Variants in OPCML observed in about 807,000 individuals in gnomAD.
The protein encoded by OPCML is opioid binding protein/cell adhesion molecule like.
A neutral mutation model predicts 37.8 loss-of-function variants in OPCML; 13 were observed. The observed-to-expected ratio is 0.34, with a 90% confidence interval of 0.22 to 0.55. The LOEUF is 0.55. OPCML is among the 20% of genes least tolerant of loss of function. The pLI is 0.91. For synonymous variants in OPCML, 176 were observed against 168.8 expected (o/e 1.04, Z -0.33); for missense variants, 341 against 435.6 (o/e 0.78, Z 1.93).
At chr11:132,558,535 G>A (rs917522720) in intron 3 of OPCML, among the ~76,000 whole-genome samples, 2 of 108,500 alleles carry the variant, frequency 1.8e-5, no homozygotes, top group African/African-American at 7.4e-5. Flanking sequence ...CTTCTTCTTC[G>A]TCTTCGTCTT....
chr11:133,125,248 A>G (rs1300615309), intron 1 of OPCML, among the ~76,000 whole-genome samples: 1 of 152,064 alleles, frequency 6.6e-6, no homozygotes, highest in Non-Finnish European at 1.5e-5. Context: ...CTAAGTGAAA[A>G]CATCCCTTCC....
chr11:132,690,207 TG>T (rs1467654452), intron 2 of OPCML, among the ~76,000 whole-genome samples: 1 of 152,156 alleles, frequency 6.6e-6, no homozygotes, highest in Non-Finnish European at 1.5e-5. Context: ...CACAAAGAGC[TG>T]GGGTTACAGG....
rs182117657 is a variant in OPCML at position 133,187,846 on chromosome 11, A to G, written c.62-244836T>C. ...TACAGTGTACAGATGGAACTGTCAC[A>G]TGTTTTTATATTTTTCCCAACTTAT... On this transcript the variant is annotated intron_variant, in intron 1 of 7. Transcript: ENST00000524381. Among the ~76,000 whole-genome samples, 214 of 152,284 alleles carry G rather than the reference A, an allele frequency of 1.4e-3. 2 individuals carry two copies. The Middle Eastern group carries it at 0.031, about 22-fold the overall frequency.
rs545196366 is a variant in OPCML, at chr11:132,436,601, T to C, written c.764+58A>G. The C allele has an allele frequency of 4.5e-5, 72 of 1,600,598 alleles. No individual in the cohort carries two copies. In the East Asian group the frequency reaches 1.1e-3, roughly 23 times the overall value. On this transcript the variant is annotated intron_variant, in intron 6 of 7. Transcript: ENST00000524381. ...TTTCTTCATCCTCATCCTTCTCCCA[T>C]GTGGGGATAGACCATCAGCTCTGCT...
At chr11:132,683,805 C>T (rs1943053219) in intron 2 of OPCML, among the ~76,000 whole-genome samples, 1 of 152,132 alleles carries the variant, frequency 6.6e-6, no homozygotes, top group South Asian at 2.1e-4. Flanking sequence ...TCAGAGGGAC[C>T]TTGGGCAAGG....
intron 3 of OPCML, among the ~76,000 whole-genome samples, chr11:132,652,146 G>C (rs1941458232): frequency 6.6e-6 from 1 of 152,068 alleles, no homozygotes; most frequent in South Asian, 2.1e-4. Context: ...ACTTACATAG[G>C]ATAAAGTGGT....
intron 4 of OPCML, among the ~76,000 whole-genome samples, chr11:132,468,441 G>C (rs552730204): frequency 6.6e-6 from 1 of 152,224 alleles, no homozygotes; most frequent in African/African-American, 2.4e-5. Context: ...GGATTGTAGA[G>C]GTTTGTGATC....
chr11:133,305,540 A>C (rs1942894413), intron 1 of OPCML, among the ~76,000 whole-genome samples: 1 of 152,196 alleles, frequency 6.6e-6, no homozygotes, highest in Non-Finnish European at 1.5e-5. Context: ...GCTTTAAGTG[A>C]TTGCCTATTA....
At chr11:133,518,324 TGTG>T in intron 1 of OPCML, among the ~76,000 whole-genome samples, 1 of 145,342 alleles carries the variant, frequency 6.9e-6, no homozygotes, top group Non-Finnish European at 1.5e-5. Context: ...CGTGTATAAG[TGTG>T]TGTGTGTGGG....
intron 1 of OPCML, among the ~76,000 whole-genome samples, chr11:133,189,192 AAT>A (rs1938208470): frequency 6.6e-6 from 1 of 152,144 alleles, no homozygotes; most frequent in Non-Finnish European, 1.5e-5. Flanking sequence ...TTCTTCCCTC[AAT>A]ATATATTTGC....
At chr11:132,890,248 A>G (rs1943588580) in intron 2 of OPCML, among the ~76,000 whole-genome samples, 1 of 152,178 alleles carries the variant, frequency 6.6e-6, no homozygotes, top group Non-Finnish European at 1.5e-5. Flanking sequence ...AAGTCCTATA[A>G]TGCTAGAACC....
At position 132,661,397 on chromosome 11, in the gene OPCML, TA is replaced by T. The variant is rs535623082; in HGVS notation, c.147-4079del. On this transcript the variant is annotated intron_variant, in intron 2 of 7. Coordinates refer to ENST00000524381, the MANE Select transcript of OPCML (RefSeq NM_001012393.5). Reference sequence around the variant, plus strand: ...TGTTGCTCTGCTTCAAAAGAAAATGTAGTTTCATGGCTTCATGCTTTCTTCC... The same window carrying T: ...TGTTGCTCTGCTTCAAAAGAAAATGTGTTTCATGGCTTCATGCTTTCTTCC... 3.8e-3 allele frequency among the ~76,000 whole-genome samples: 574 copies of T among 152,268 alleles called. 12 individuals are homozygous for T. The highest frequency in any genetic ancestry group is 5.7e-4 in the Non-Finnish European group (39 of 68,030).
At chr11:132,724,337 C>A (rs1351165047) in intron 2 of OPCML, among the ~76,000 whole-genome samples, 3 of 152,148 alleles carry the variant, frequency 2.0e-5, no homozygotes, top group Admixed American at 2.0e-4. Flanking sequence ...ACATTAAGTT[C>A]TTCTATGTAT....
chr11:133,063,547 A>C (rs764667034), intron 1 of OPCML, among the ~76,000 whole-genome samples: 1 of 150,510 alleles, frequency 6.6e-6, no homozygotes, highest in Non-Finnish European at 1.5e-5. Context: ...TGGTCAGAAA[A>C]GGTCATTTAC....
intron 1 of OPCML, chr11:133,422,035 G>A: frequency 1.9e-6 from 1 of 528,588 alleles, no homozygotes; most frequent in Non-Finnish European, 2.4e-6. Context: ...TGTTACATAG[G>A]TGTATACGTG....
In OPCML at chr11:132,418,840, G is replaced by A. The variant is rs534335180; in HGVS notation, c.*1353C>T. On this transcript the variant is annotated 3_prime_UTR_variant, in exon 8 of 8. Coordinates refer to ENST00000524381, the MANE Select transcript of OPCML (RefSeq NM_001012393.5). ...TTCCTGACATGTACTTTCTTGAAGGGTTGAGAGAAGCATAAAGGCTGGCAC... is the reference window on the plus strand; with the variant it reads ...TTCCTGACATGTACTTTCTTGAAGGATTGAGAGAAGCATAAAGGCTGGCAC... 6.6e-6 allele frequency: 1 copy of A among 152,638 alleles called. No individual in the cohort carries two copies. The highest frequency in any genetic ancestry group is 1.5e-5 in the Non-Finnish European group (1 of 68,040). The allele number at this position is 152,638 out of a possible 1,614,324, so 9.5% of individuals were successfully genotyped here.
At chr11:133,404,041 G>A (rs918377015) in intron 1 of OPCML, among the ~76,000 whole-genome samples, 3 of 152,200 alleles carry the variant, frequency 2.0e-5, no homozygotes, top group Non-Finnish European at 4.4e-5. Context: ...TGCAGAGTTG[G>A]CTCCCCCTAG....
At chr11:133,123,354 C>A (rs548036128) in intron 1 of OPCML, among the ~76,000 whole-genome samples, 1 of 152,248 alleles carries the variant, frequency 6.6e-6, no homozygotes, top group African/African-American at 2.4e-5. Flanking sequence ...ATGCTAGGGA[C>A]CATATTGTTG....
Position 132,847,399 on chromosome 11 carries a change from G to A in OPCML, c.146+95527C>T, listed in dbSNP as rs117556466. ...ACTCCAGAGTTATATTAATTTGTACGTAGTTATTCAAATTAAAAACAGCAA... is the reference window on the plus strand; with the variant it reads ...ACTCCAGAGTTATATTAATTTGTACATAGTTATTCAAATTAAAAACAGCAA... On this transcript the variant is annotated intron_variant, in intron 2 of 7. Coordinates refer to ENST00000524381, the MANE Select transcript of OPCML (RefSeq NM_001012393.5). 5.0e-3 allele frequency among the ~76,000 whole-genome samples: 756 copies of A among 152,134 alleles called. 7 individuals are homozygous for A. Among genetic ancestry groups the A allele is most frequent in the Non-Finnish European group, 8.2e-3 (556 of 68,018 alleles).
Sources: gnomAD v4.1 joint callset for allele counts (sites outside exome capture counted in the v4.1 genomes callset) on GRCh38, gnomAD v4.1.1 for gene constraint, MANE v1.5 for transcripts, NCBI Gene and HGNC (gene_info 2026-07-23, HGNC 2026-07-21) for gene names.